The following ERBB4 variants were observed in gnomAD, a reference collection of about 807,000 sequenced individuals.
ERBB4 encodes the protein receptor tyrosine-protein kinase erbB-4.
In ERBB4, 42 loss-of-function variants were observed where a neutral mutation model predicts 158.0. The ratio of observed to expected loss-of-function variants is 0.27; its 90% CI spans 0.21 to 0.34. The LOEUF (loss-of-function observed/expected upper bound fraction) is 0.34. Ranked by LOEUF, ERBB4 falls within the 10% of genes least tolerant of loss-of-function variation. The pLI, the probability that ERBB4 is intolerant of heterozygous loss-of-function variation, is 1.00. For missense variants in ERBB4, 1,333 were observed against 1,624.1 expected, an observed-to-expected ratio of 0.82 and a Z score of 3.08; for synonymous variants, 583 against 558.7, an observed-to-expected ratio of 1.04 and a Z score of -0.61.
intron 12 of ERBB4, among the ~76,000 whole-genome samples, chr2:211,689,032 C>T (rs2105990120): frequency 6.6e-6 from 1 of 152,140 alleles, no homozygotes; most frequent in South Asian, 2.1e-4. Context: ...ACTCTCTTCC[C>T]CTGAAAAGCT....
chr2:212,422,489 C>G (rs1032143358), intron 1 of ERBB4, among the ~76,000 whole-genome samples: 1 of 144,968 alleles, frequency 6.9e-6, no homozygotes, highest in African/African-American at 2.6e-5. Flanking sequence ...CGGTGTGAGA[C>G]TTGGACTCAA....
chr2:212,429,578 G>A (rs1370320331), intron 1 of ERBB4, among the ~76,000 whole-genome samples: 1 of 152,180 alleles, frequency 6.6e-6, no homozygotes, highest in Non-Finnish European at 1.5e-5. Context: ...CACGGATTAT[G>A]CTAAGCACTT....
intron 1 of ERBB4, among the ~76,000 whole-genome samples, chr2:212,184,173 T>G (rs1216292658): frequency 6.6e-6 from 1 of 152,030 alleles, no homozygotes; most frequent in Non-Finnish European, 1.5e-5. Flanking sequence ...GTTCTTGGTG[T>G]TCTCTGCTGT....
intron 5 of ERBB4, among the ~76,000 whole-genome samples, chr2:211,746,425 A>T (rs895411782): frequency 2.5e-4 from 38 of 152,216 alleles, no homozygotes; most frequent in African/African-American, 8.7e-4. Context: ...CTATGCTGAA[A>T]AATTAGCTGA....
At chr2:212,302,788 T>A (rs1301062489) in intron 1 of ERBB4, among the ~76,000 whole-genome samples, 1 of 151,574 alleles carries the variant, frequency 6.6e-6, no homozygotes, top group Non-Finnish European at 1.5e-5. Flanking sequence ...TTATTGTGAT[T>A]GTTAAGAAAA....
intron 20 of ERBB4, among the ~76,000 whole-genome samples, chr2:211,533,318 A>G (rs893092225): frequency 1.3e-5 from 2 of 151,972 alleles, no homozygotes; most frequent in African/African-American, 4.8e-5. Context: ...TAATTTTACA[A>G]TTCCTCCTGT....
At chr2:212,375,133 A>C (rs2106397241) in intron 1 of ERBB4, among the ~76,000 whole-genome samples, 1 of 152,162 alleles carries the variant, frequency 6.6e-6, no homozygotes, top group African/African-American at 2.4e-5. Context: ...ACTCTAATAA[A>C]GCTTACTCTA....
chr2:212,012,125 G>A (rs987481176), intron 2 of ERBB4, among the ~76,000 whole-genome samples: 7 of 152,076 alleles, frequency 4.6e-5, no homozygotes, highest in African/African-American at 1.7e-4. Context: ...TGCAGTTATT[G>A]TTCTTATTAC....
chr2:211,544,378 G>T (rs944392090), intron 20 of ERBB4, among the ~76,000 whole-genome samples: 1 of 151,948 alleles, frequency 6.6e-6, no homozygotes, highest in African/African-American at 2.4e-5. Flanking sequence ...AAATCAATTA[G>T]GCATGGGTAC....
chr2:211,588,275 T>C (rs1236796918), intron 19 of ERBB4, among the ~76,000 whole-genome samples: 1 of 152,140 alleles, frequency 6.6e-6, no homozygotes, highest in East Asian at 1.9e-4. Context: ...TGAGATAATA[T>C]GGGTATGAAA....
At chr2:212,033,695 A>G (rs2076952480) in intron 2 of ERBB4, among the ~76,000 whole-genome samples, 1 of 151,880 alleles carries the variant, frequency 6.6e-6, no homozygotes, top group South Asian at 2.1e-4. Flanking sequence ...AAACAGTGGC[A>G]TGGAAGCCAT....
intron 1 of ERBB4, among the ~76,000 whole-genome samples, chr2:212,229,002 CAAGG>C (rs939272472): frequency 6.6e-6 from 1 of 152,026 alleles, no homozygotes; most frequent in African/African-American, 2.4e-5. Flanking sequence ...ACAAAATGCC[CAAGG>C]AAGAAAGGGC....
intron 1 of ERBB4, among the ~76,000 whole-genome samples, chr2:212,372,188 G>T (rs1455424689): frequency 6.6e-6 from 1 of 151,986 alleles, no homozygotes; most frequent in Non-Finnish European, 1.5e-5. Context: ...TCAAAGCAAG[G>T]ACATCAGACA....
rs78595830 is a variant in ERBB4 at position 211,857,367 on chromosome 2, T to C, written c.422-69208A>G. Among the ~76,000 whole-genome samples the C allele has an allele frequency of 3.8e-3, 585 of 152,298 alleles. 2 individuals are homozygous for C. Among genetic ancestry groups the C allele is most frequent in the African/African-American group, 0.013 (555 of 41,564 alleles). ...TGCTATAAGAAACCCTTTTAACCTA[T>C]GTATATATCCTGAAATTCTGCTCCT... On this transcript the variant is annotated intron_variant, in intron 3 of 27. Coordinates refer to ENST00000342788, the MANE Select transcript of ERBB4 (RefSeq NM_005235.3).
rs566766429 is a variant in ERBB4 at position 212,284,483 on chromosome 2, A to C, written c.83-159580T>G. 1.3e-3 allele frequency among the ~76,000 whole-genome samples: 202 copies of C among 152,238 alleles called. 1 individual carries two copies. The highest frequency in any genetic ancestry group is 4.8e-3 in the African/African-American group (198 of 41,568). ...CCATTAAGCAGTCACCTATTAGACT[A>C]TGGCATATAAACTCCAAAAGCCTCT... On this transcript the variant is annotated intron_variant, in intron 1 of 27. Transcript: ENST00000342788.
intron 20 of ERBB4, among the ~76,000 whole-genome samples, chr2:211,458,308 C>G (rs1199924362): frequency 1.3e-5 from 2 of 151,668 alleles, no homozygotes; most frequent in African/African-American, 4.8e-5. Context: ...TGCTCTGTCA[C>G]CAGGCTGGAG....
intron 20 of ERBB4, among the ~76,000 whole-genome samples, chr2:211,489,528 C>T (rs2065286269): frequency 6.6e-6 from 1 of 151,800 alleles, no homozygotes; most frequent in Admixed American, 6.6e-5. Context: ...TGTTGGTTGC[C>T]TTGTATTAAT....
At chr2:211,428,504 A>AAAG (rs1432033921) in intron 21 of ERBB4, 21 bp from the exon 22 acceptor site, 3 of 1,311,310 alleles carry the variant, frequency 2.3e-6, no homozygotes, top group Middle Eastern at 1.9e-4. Context: ...GTAAGAAGTA[A>AAAG]AAGTTTTAAA....
Position 211,773,607 on chromosome 2 carries a change from TA to T in ERBB4, c.556+14417del, listed in dbSNP as rs1414541492. 3.8e-4 allele frequency among the ~76,000 whole-genome samples: 8 copies of T among 20,924 alleles called. No homozygotes were observed. The African/African-American group carries it at 4.0e-3, about 10-fold the overall frequency. 13.7% of individuals were successfully genotyped at this position (20,924 alleles called of 152,430 possible). A position where few individuals can be genotyped will look rare whatever the true frequency, so the allele number is the denominator to read the frequency against. On this transcript the variant is annotated intron_variant, in intron 4 of 27. Transcript: ENST00000342788. ...TTATACTTCTGTAACTTTATATATATATATATATATATATATATATATATAT... is the reference window on the plus strand; with the variant it reads ...TTATACTTCTGTAACTTTATATATATTATATATATATATATATATATATAT...
Sources: allele counts gnomAD v4.1 joint callset (sites outside exome capture counted in the v4.1 genomes callset), GRCh38; gene constraint gnomAD v4.1.1; transcripts MANE v1.5; gene names NCBI Gene and HGNC (gene_info 2026-07-23, HGNC 2026-07-21).